CDK14: variants seen among roughly 807,000 people sequenced by gnomAD.
CDK14 encodes cyclin-dependent kinase 14.
A neutral mutation model predicts 60.7 loss-of-function variants in CDK14; 34 were observed. The ratio of observed to expected loss-of-function variants is 0.56; its 90% CI spans 0.43 to 0.75. The LOEUF (loss-of-function observed/expected upper bound fraction) is 0.75. Among genes scored for constraint, CDK14 ranks in the 30% least tolerant of loss-of-function variants. The probability of loss-of-function intolerance (pLI) is 0.00; values close to 1 mark genes in which losing one functional copy is unlikely to be tolerated. For synonymous variants in CDK14, 197 were observed against 203.7 expected, an observed-to-expected ratio of 0.97 and a Z score of 0.28; for missense variants, 482 against 564.1, an observed-to-expected ratio of 0.85 and a Z score of 1.47.
chr7:90,691,864 T>C (rs775698193), intron 2 of CDK14, among the ~76,000 whole-genome samples: 19 of 152,288 alleles, frequency 1.2e-4, no homozygotes, highest in Non-Finnish European at 2.6e-4. Context: ...ATTAGAGTTA[T>C]CAAGGCATTG....
chr7:90,683,024 AT>A (rs370709631), intron 2 of CDK14, among the ~76,000 whole-genome samples: 2 of 151,730 alleles, frequency 1.3e-5, no homozygotes, highest in Non-Finnish European at 2.9e-5. Flanking sequence ...TCTTTATGCT[AT>A]TTTTTCCCCT....
intron 2 of CDK14, among the ~76,000 whole-genome samples, chr7:90,612,080 G>A (rs868356190): frequency 6.6e-6 from 1 of 152,110 alleles, no homozygotes; most frequent in African/African-American, 2.4e-5. Flanking sequence ...TGATCCACCC[G>A]TCTTGGCCTC....
At chr7:90,641,928 A>C (rs977832448) in intron 2 of CDK14, among the ~76,000 whole-genome samples, 3 of 152,072 alleles carry the variant, frequency 2.0e-5, no homozygotes, top group African/African-American at 7.2e-5. Flanking sequence ...GGCAGACAAG[A>C]GAGAGAGCTT....
At position 90,999,346 on chromosome 7, in the gene CDK14, T is replaced by C. The variant is rs1795778310; in HGVS notation, c.1041+15105T>C. On this transcript the variant is annotated intron_variant, in intron 10 of 14. Coordinates refer to ENST00000380050, the MANE Select transcript of CDK14 (RefSeq NM_001287135.2). Reference sequence around the variant, plus strand: ...GCTCACGCCTGTAATCCCAGCACTTTAGGAGGTCGAGGTGGGCAGATCATG... The same window carrying C: ...GCTCACGCCTGTAATCCCAGCACTTCAGGAGGTCGAGGTGGGCAGATCATG... 1.3e-5 allele frequency among the ~76,000 whole-genome samples: 2 copies of C among 151,756 alleles called. 1 individual carries two copies. Among genetic ancestry groups the C allele is most frequent in the South Asian group, 4.2e-4 (2 of 4,802 alleles).
At chr7:91,033,463 A>G (rs1303326796) in intron 10 of CDK14, among the ~76,000 whole-genome samples, 2 of 152,224 alleles carry the variant, frequency 1.3e-5, no homozygotes, top group South Asian at 2.1e-4. Flanking sequence ...ATTAGAATGC[A>G]TCTTTTAAAG....
At chr7:90,848,090 G>A (rs558176929) in intron 5 of CDK14, among the ~76,000 whole-genome samples, 2 of 151,916 alleles carry the variant, frequency 1.3e-5, no homozygotes, top group Non-Finnish European at 2.9e-5. Flanking sequence ...GTCTGTCAAG[G>A]CATAAGCATG....
intron 8 of CDK14, among the ~76,000 whole-genome samples, chr7:90,944,730 T>G (rs1460231634): frequency 6.6e-6 from 1 of 152,172 alleles, no homozygotes; most frequent in African/African-American, 2.4e-5. Flanking sequence ...AGATCCTTTC[T>G]CAAAAAAGGA....
At chr7:91,004,374 G>A (rs933670811) in intron 10 of CDK14, among the ~76,000 whole-genome samples, 1 of 152,202 alleles carries the variant, frequency 6.6e-6, no homozygotes, top group Non-Finnish European at 1.5e-5. Context: ...TGATAACTTA[G>A]ATGAAATGGA....
At chr7:91,066,477 T>G (rs1324775652) in intron 11 of CDK14, among the ~76,000 whole-genome samples, 1 of 152,236 alleles carries the variant, frequency 6.6e-6, no homozygotes, top group African/African-American at 2.4e-5. Context: ...ATTCATGTCT[T>G]TCTGTCATTG....
In CDK14 at chr7:90,852,757, C is replaced by T. The variant is rs550995418; in HGVS notation, c.545-10418C>T. Among the ~76,000 whole-genome samples, 7 of 152,280 alleles carry T rather than the reference C, an allele frequency of 4.6e-5. No individual in the cohort carries two copies. The South Asian group carries it at 1.5e-3, about 32-fold the overall frequency. Reference sequence around the variant, plus strand: ...GTATTAGTGACATTCATGTAAGTGGCAGAGCTCGCTCAGGGCTGAGGTGAA... The same window carrying T: ...GTATTAGTGACATTCATGTAAGTGGTAGAGCTCGCTCAGGGCTGAGGTGAA... On this transcript the variant is annotated intron_variant, in intron 5 of 14. Coordinates refer to ENST00000380050, the MANE Select transcript of CDK14 (RefSeq NM_001287135.2).
At chr7:90,970,782 G>A (rs12704584) in intron 9 of CDK14, among the ~76,000 whole-genome samples, 113,560 of 152,068 alleles carry the variant, frequency 0.75, 42,487 homozygotes, top group East Asian at 0.77. Flanking sequence ...TAGAGTTCAG[G>A]TATTTTGGTG....
chr7:90,699,057 T>C (rs1801727320), intron 2 of CDK14, among the ~76,000 whole-genome samples: 1 of 152,234 alleles, frequency 6.6e-6, no homozygotes, highest in Non-Finnish European at 1.5e-5. Flanking sequence ...GTAGGGTAGC[T>C]CCCTATGGCT....
At chr7:91,129,663 G>T (rs7806865) in intron 14 of CDK14, among the ~76,000 whole-genome samples, 2,571 of 152,188 alleles carry the variant, frequency 0.017, 52 homozygotes, top group African/African-American at 0.057. Flanking sequence ...AACCAAAAAT[G>T]AGTTCATCAC....
chr7:91,079,531 T>A (rs767612297), intron 12 of CDK14, 51 bp downstream of exon 12: 1 of 1,250,534 alleles, frequency 8.0e-7, no homozygotes, highest in Admixed American at 1.7e-5. Context: ...CTTTTAATAT[T>A]TACAACTCTT....
intron 2 of CDK14, among the ~76,000 whole-genome samples, chr7:90,715,796 G>A (rs1802228815): frequency 6.6e-6 from 1 of 151,494 alleles, no homozygotes; most frequent in Non-Finnish European, 1.5e-5. Flanking sequence ...CATTTCCCCA[G>A]TGCAGCTATG....
rs533974776 is a variant in CDK14 at position 90,792,514 on chromosome 7, A to G, written c.544+1862A>G. 5.3e-5 allele frequency among the ~76,000 whole-genome samples: 8 copies of G among 152,246 alleles called. No homozygotes were observed. The South Asian group carries it at 1.5e-3, about 28-fold the overall frequency. On this transcript the variant is annotated intron_variant, in intron 5 of 14. Coordinates refer to ENST00000380050, the MANE Select transcript of CDK14 (RefSeq NM_001287135.2). ...TCTGAATGGAACTCATGATCCTCCC[A>G]CTATAAATGAAACCATGTTCTCCCT...
intron 10 of CDK14, among the ~76,000 whole-genome samples, chr7:90,996,619 T>C (rs1310130009): frequency 6.6e-6 from 1 of 152,244 alleles, no homozygotes; most frequent in Admixed American, 6.5e-5. Context: ...CATTTGTCTC[T>C]TTTGACAATG....
At chr7:90,958,425 T>TA (rs1438577966) in intron 9 of CDK14, among the ~76,000 whole-genome samples, 4 of 152,156 alleles carry the variant, frequency 2.6e-5, no homozygotes, top group African/African-American at 9.7e-5. Flanking sequence ...ATAAATCTAA[T>TA]ACCATTTTAA....
chr7:90,807,786 G>A (rs1788916347), intron 5 of CDK14, among the ~76,000 whole-genome samples: 1 of 152,170 alleles, frequency 6.6e-6, no homozygotes, highest in African/African-American at 2.4e-5. Flanking sequence ...TGATGGAGCT[G>A]AAAACCAAGG....
Sources: gnomAD v4.1 joint callset for allele counts (sites outside exome capture counted in the v4.1 genomes callset) on GRCh38, gnomAD v4.1.1 for gene constraint, MANE v1.5 for transcripts, NCBI Gene and HGNC (gene_info 2026-07-23, HGNC 2026-07-21) for gene names.